Variants in UST observed in about 807,000 individuals in gnomAD.
The protein encoded by UST is uronyl 2-sulfotransferase.
UST carries 21 observed loss-of-function variants against 45.6 expected under a neutral mutation model. The ratio of observed to expected loss-of-function variants is 0.46; its 90% confidence interval spans 0.33 to 0.66. UST has a LOEUF of 0.66. UST is among the 30% of genes least tolerant of loss of function. UST has a pLI of 0.02. For synonymous variants in UST, 215 were observed against 200.6 expected (o/e 1.07, Z -0.61); for missense variants, 463 against 512.4 (o/e 0.90, Z 0.93).
At chr6:148,961,348 C>G (rs1477008760) in intron 4 of UST, among the ~76,000 whole-genome samples, 1 of 152,178 alleles carries the variant, frequency 6.6e-6, no homozygotes, top group Non-Finnish European at 1.5e-5. Flanking sequence ...TATGGCCTGA[C>G]TCTTCTACTC....
intron 1 of UST, among the ~76,000 whole-genome samples, chr6:148,812,398 G>A (rs1382285473): frequency 6.6e-6 from 1 of 152,142 alleles, no homozygotes; most frequent in African/African-American, 2.4e-5. Context: ...GTTATTTATT[G>A]CAATGTAACA....
intron 7 of UST, among the ~76,000 whole-genome samples, chr6:149,036,490 A>G (rs1402692398): frequency 6.6e-6 from 1 of 152,100 alleles, no homozygotes; most frequent in Admixed American, 6.5e-5. Flanking sequence ...TCATTCCTTC[A>G]CTGTCATTTT....
chr6:148,845,892 A>G (rs1554220207), intron 1 of UST, among the ~76,000 whole-genome samples: 1 of 151,652 alleles, frequency 6.6e-6, no homozygotes, highest in Non-Finnish European at 1.5e-5. Flanking sequence ...CAAAACCACA[A>G]TGAGATACCA....
intron 5 of UST, among the ~76,000 whole-genome samples, chr6:148,987,240 G>A (rs1781254724): frequency 6.6e-6 from 1 of 152,172 alleles, no homozygotes; most frequent in Admixed American, 6.5e-5. Flanking sequence ...TATCCTCCCA[G>A]CTTGTCTAGA....
At chr6:148,796,139 A>T (rs1776944173) in intron 1 of UST, among the ~76,000 whole-genome samples, 1 of 152,130 alleles carries the variant, frequency 6.6e-6, no homozygotes. Context: ...TTGAATCCTC[A>T]TCCTCTCTAG....
At chr6:148,855,974 A>C (rs1778196374) in intron 1 of UST, among the ~76,000 whole-genome samples, 1 of 152,142 alleles carries the variant, frequency 6.6e-6, no homozygotes, top group Admixed American at 6.6e-5. Context: ...AACTTTTTAC[A>C]ACCTAGTCAA....
At chr6:148,984,517 CATTT>C (rs1180212875) in intron 5 of UST, among the ~76,000 whole-genome samples, 10 of 152,272 alleles carry the variant, frequency 6.6e-5, no homozygotes, top group African/African-American at 2.4e-4. Flanking sequence ...ATAGGATTTG[CATTT>C]ATTTATTTAT....
chr6:148,760,652 A>AC (rs1776198035), intron 1 of UST, among the ~76,000 whole-genome samples: 1 of 148,236 alleles, frequency 6.7e-6, no homozygotes, highest in Admixed American at 6.7e-5. Context: ...AACCACAAAG[A>AC]AAAAAAAAAC....
In UST at chr6:148,763,417, G is replaced by T. The variant is rs79888914; in HGVS notation, c.247+15740G>T. Among the ~76,000 whole-genome samples the T allele has an allele frequency of 7.1e-3, 1,076 of 152,196 alleles. 18 individuals are homozygous for T. Among genetic ancestry groups the T allele is most frequent in the African/African-American group, 0.024 (1,017 of 41,530 alleles). ...TATAGATTCTGGATATTAGTCCTTT[G>T]TGGGATGCATTTTTGCAAATATTTT... is the stretch of plus-strand genomic sequence containing the variant. On this transcript the variant is annotated intron_variant, in intron 1 of 7. Transcript: ENST00000367463.
chr6:148,767,529 G>A (rs17718147), intron 1 of UST, among the ~76,000 whole-genome samples: 22,393 of 152,000 alleles, frequency 0.15, 1,827 homozygotes, highest in Middle Eastern at 0.17. Flanking sequence ...CCGTTTGACT[G>A]TTAGGCATAC....
chr6:148,983,875 G>A, intron 5 of UST, among the ~76,000 whole-genome samples: 1 of 152,190 alleles, frequency 6.6e-6, no homozygotes, highest in East Asian at 1.9e-4. Context: ...CACCATAGGA[G>A]ACCCTATCAC....
chr6:148,837,108 T>C (rs1777798003), intron 1 of UST, among the ~76,000 whole-genome samples: 1 of 152,204 alleles, frequency 6.6e-6, no homozygotes, highest in Admixed American at 6.5e-5. Flanking sequence ...ACACCTGATA[T>C]ATATACTGTG....
chr6:148,921,536 ACTCT>A (rs1369293719), intron 2 of UST, among the ~76,000 whole-genome samples: 1 of 152,052 alleles, frequency 6.6e-6, no homozygotes, highest in African/African-American at 2.4e-5. Flanking sequence ...CTCTCCAGGG[ACTCT>A]CTGTCTGGCA....
At chr6:149,005,164 C>T (rs762724711) in intron 5 of UST, 20 of 298,620 alleles carry the variant, frequency 6.7e-5, no homozygotes, top group Non-Finnish European at 9.9e-5. Context: ...TAAACCCAGG[C>T]GAAGCAGAGC....
intron 1 of UST, among the ~76,000 whole-genome samples, chr6:148,769,540 T>C (rs1274812026): frequency 6.6e-6 from 1 of 152,244 alleles, no homozygotes; most frequent in African/African-American, 2.4e-5. Flanking sequence ...TGAGTCTCTG[T>C]TGGAACTTTA....
chr6:148,913,907 A>G (rs560526336), intron 2 of UST, among the ~76,000 whole-genome samples: 9 of 152,320 alleles, frequency 5.9e-5, no homozygotes, highest in South Asian at 2.1e-4. Context: ...CTGGTTACCA[A>G]CTTATGGTGC....
chr6:148,887,608 G>A (rs1314441571), intron 2 of UST, among the ~76,000 whole-genome samples: 1 of 152,208 alleles, frequency 6.6e-6, no homozygotes, highest in Non-Finnish European at 1.5e-5. Flanking sequence ...AAAACCGAAT[G>A]CTAATCTACT....
chr6:149,061,146 C>T (rs753988574), intron 7 of UST, among the ~76,000 whole-genome samples: 5 of 151,966 alleles, frequency 3.3e-5, no homozygotes, highest in South Asian at 2.1e-4. Flanking sequence ...GGTCATAAAG[C>T]GAGGCCTCTG....
chr6:149,033,278 T>C (rs1339601718), intron 7 of UST, among the ~76,000 whole-genome samples: 1 of 152,232 alleles, frequency 6.6e-6, no homozygotes, highest in Non-Finnish European at 1.5e-5. Context: ...GCTTATAAAA[T>C]GTACCCCCTG....
Sources: gnomAD v4.1 joint callset for allele counts (sites outside exome capture counted in the v4.1 genomes callset) on GRCh38, gnomAD v4.1.1 for gene constraint, MANE v1.5 for transcripts, NCBI Gene and HGNC (gene_info 2026-07-23, HGNC 2026-07-21) for gene names.